ABCC9: variants seen among roughly 807,000 people sequenced by gnomAD.
The protein encoded by ABCC9 is ATP-binding cassette sub-family C member 9.
In ABCC9, 95 loss-of-function variants were observed where a neutral mutation model predicts 188.3. The ratio of observed to expected loss-of-function variants is 0.50; its 90% CI spans 0.43 to 0.60. The LOEUF (loss-of-function observed/expected upper bound fraction) is 0.60, where lower values mean the gene tolerates loss of function less well. ABCC9 is among the 20% of genes least tolerant of loss of function. The pLI is 0.00. For missense variants in ABCC9, 1,102 were observed against 1,876.3 expected (o/e 0.59, Z 7.62); for synonymous variants, 659 against 652.7 (o/e 1.01, Z -0.15).
In ABCC9 at chr12:21,898,548, C is replaced by G. The variant is rs1947545886; in HGVS notation, c.1619-3233G>C. ...GGGCTATATAGGCCAAATATTTTCTCTAAATCTATTTCAAAAAAGAAATGT... is the reference window on the plus strand; with the variant it reads ...GGGCTATATAGGCCAAATATTTTCTGTAAATCTATTTCAAAAAAGAAATGT... On this transcript the variant is annotated intron_variant, in intron 12 of 39. Transcript: ENST00000261200. Among the ~76,000 whole-genome samples the G allele has an allele frequency of 2.6e-5, 4 of 152,158 alleles. No homozygotes were observed. In the South Asian group the frequency reaches 8.3e-4, roughly 31 times the overall value.
At chr12:21,917,158 G>C (rs1163973657) in intron 5 of ABCC9, 55 bp from the exon 6 acceptor site, 1 of 1,543,474 alleles carries the variant, frequency 6.5e-7, no homozygotes, top group South Asian at 1.1e-5. Context: ...AACATCACTA[G>C]CATTTGAATG....
At chr12:21,868,107 C>T (rs1945870309) in intron 18 of ABCC9, among the ~76,000 whole-genome samples, 1 of 152,048 alleles carries the variant, frequency 6.6e-6, no homozygotes, top group South Asian at 2.1e-4. Flanking sequence ...TTTTTCATTC[C>T]TCTCTCCTCT....
At chr12:21,906,406 T>C in intron 11 of ABCC9, 118 bp from the exon 12 acceptor site, 1 of 1,046,552 alleles carries the variant, frequency 9.6e-7, no homozygotes, top group East Asian at 2.6e-5. Context: ...TGCCACTCAC[T>C]AATTAGGTTG....
chr12:21,881,977 GT>G (rs1204100462), intron 16 of ABCC9, among the ~76,000 whole-genome samples: 14 of 152,226 alleles, frequency 9.2e-5, no homozygotes, highest in African/African-American at 3.1e-4. Context: ...TCACATGTTT[GT>G]TCTGATTATG....
At chr12:21,865,157 CAT>C (rs1182359783) in intron 18 of ABCC9, among the ~76,000 whole-genome samples, 1 of 152,106 alleles carries the variant, frequency 6.6e-6, no homozygotes, top group Non-Finnish European at 1.5e-5. Context: ...AATTCAATAA[CAT>C]ACACATTACA....
chr12:21,915,191 G>A (rs1459452054), intron 7 of ABCC9, among the ~76,000 whole-genome samples: 5 of 150,268 alleles, frequency 3.3e-5, no homozygotes, highest in South Asian at 2.1e-4. Flanking sequence ...ATGAGCCATC[G>A]TGCCTGGCCT....
At position 21,915,654 on chromosome 12, in the gene ABCC9, A is replaced by C. The variant is rs1565481717; in HGVS notation, c.816+14T>G. On this transcript the variant is annotated intron_variant, in intron 7 of 39. Coordinates refer to ENST00000261200, the MANE Select transcript of ABCC9 (RefSeq NM_020297.4). ...CTCTGTAATTAAGCACATGGAAGACAGACGCTAAATCACCTTTTGTTCTTC... is the reference window on the plus strand; with the variant it reads ...CTCTGTAATTAAGCACATGGAAGACCGACGCTAAATCACCTTTTGTTCTTC... The C allele has an allele frequency of 6.2e-7, 1 of 1,611,392 alleles. No homozygotes were observed. The highest frequency in any genetic ancestry group is 1.7e-5 in the Admixed American group (1 of 59,694).
In ABCC9 at chr12:21,844,565, CA is replaced by C. The variant is rs775875654; in HGVS notation, c.3246-14del. The C allele has an allele frequency of 6.2e-7, 1 of 1,611,992 alleles. No homozygotes were observed. Among genetic ancestry groups the C allele is most frequent in the Non-Finnish European group, 8.5e-7 (1 of 1,178,164 alleles). ...GGTATCAAAAAACCTAGGCAATAAA[CA>C]GATGGAAGTATATGATAATACTAAA... On this transcript the variant is annotated splice_polypyrimidine_tract_variant and intron_variant, in intron 27 of 39. Transcript: ENST00000261200.
intron 31 of ABCC9, among the ~76,000 whole-genome samples, chr12:21,826,079 T>C (rs1340937599): frequency 2.0e-5 from 3 of 152,194 alleles, no homozygotes; most frequent in African/African-American, 7.2e-5. Context: ...TTCTAATTTA[T>C]GTCCAATGAA....
intron 12 of ABCC9, among the ~76,000 whole-genome samples, chr12:21,899,730 G>T (rs1255594654): frequency 6.6e-6 from 1 of 152,200 alleles, no homozygotes; most frequent in African/African-American, 2.4e-5. Context: ...AGCAGTCTGA[G>T]ATCGAACTGT....
chr12:21,843,250 T>C (rs375245520), intron 28 of ABCC9, among the ~76,000 whole-genome samples: 1 of 152,204 alleles, frequency 6.6e-6, no homozygotes, highest in Non-Finnish European at 1.5e-5. Flanking sequence ...ATTTTTTGGG[T>C]AGCTAATTAT....
intron 38 of ABCC9, among the ~76,000 whole-genome samples, chr12:21,806,341 A>C (rs1413026415): frequency 6.6e-6 from 1 of 152,206 alleles, no homozygotes; most frequent in Non-Finnish European, 1.5e-5. Flanking sequence ...ATGGGTATCA[A>C]AGTGCTCACT....
At chr12:21,860,625 G>A (rs1592092289) in intron 21 of ABCC9, among the ~76,000 whole-genome samples, 1 of 152,118 alleles carries the variant, frequency 6.6e-6, no homozygotes, top group Non-Finnish European at 1.5e-5. Flanking sequence ...TTTCAACAAG[G>A]TTGGGAGAAG....
rs72559752 is a variant in ABCC9 at position 21,910,955 on chromosome 12, C to G, written c.1035G>C (p.Lys345Asn). ...GAACGTAAGCGTTTTCAAGAAATTC[C>G]TTTGATGAGAGGGTTTCTGAAATCT... ...TTGISETLSS[K>N]EFLENAYVLA... The change falls in exon 9 of 40, where the codon AAG becomes AAC. Residue 345 changes from lysine to asparagine, a missense_variant. Physicochemically the swap from Lys to Asn is moderately conservative, Grantham distance 94 (BLOSUM62 0). Transcript: ENST00000261200. 2.5e-6 allele frequency: 4 copies of G among 1,611,996 alleles called. No individual in the cohort carries two copies. The highest frequency in any genetic ancestry group is 3.4e-6 in the Non-Finnish European group (4 of 1,178,654).
At chr12:21,819,166 T>C (rs1478998715) in intron 31 of ABCC9, among the ~76,000 whole-genome samples, 1 of 152,172 alleles carries the variant, frequency 6.6e-6, no homozygotes, top group East Asian at 1.9e-4. Context: ...TTCTGTCTCA[T>C]CATTCAAAAA....
At chr12:21,811,938 T>A in intron 36 of ABCC9, 111 bp downstream of exon 36, 1 of 764,128 alleles carries the variant, frequency 1.3e-6, no homozygotes, top group Non-Finnish European at 2.3e-6. Context: ...TTTGATTTTA[T>A]TGCCTTGATA....
At chr12:21,927,869 T>G (rs563151646) in intron 4 of ABCC9, among the ~76,000 whole-genome samples, 9 of 152,258 alleles carry the variant, frequency 5.9e-5, no homozygotes, top group Middle Eastern at 3.4e-3. Context: ...AATAGATAAC[T>G]ATTTTGTCAG....
chr12:21,854,826 T>C (rs1189349399), intron 22 of ABCC9, among the ~76,000 whole-genome samples: 1 of 152,188 alleles, frequency 6.6e-6, no homozygotes, highest in African/African-American at 2.4e-5. Context: ...AATGTAACTT[T>C]GCAGTTACTT....
intron 22 of ABCC9, among the ~76,000 whole-genome samples, chr12:21,857,038 A>T (rs991646763): frequency 6.6e-6 from 1 of 152,172 alleles, no homozygotes. Context: ...TTTTTAAACA[A>T]TGGAAATGTG....
Sources: gnomAD v4.1 joint callset for allele counts (sites outside exome capture counted in the v4.1 genomes callset) on GRCh38, gnomAD v4.1.1 for gene constraint, MANE v1.5 for transcripts, NCBI Gene and HGNC (gene_info 2026-07-23, HGNC 2026-07-21) for gene names.